The following EPB41L4B variants were observed in gnomAD, a reference collection of about 807,000 sequenced individuals.
The protein encoded by EPB41L4B is band 4.1-like protein 4B.
EPB41L4B carries 30 observed loss-of-function variants against 112.5 expected under a neutral mutation model. That is an observed-to-expected ratio of 0.27 (90% CI 0.20 to 0.36). EPB41L4B has a LOEUF of 0.36. Among genes scored for constraint, EPB41L4B ranks in the 10% least tolerant of loss-of-function variants. EPB41L4B has a pLI of 1.00. For missense variants in EPB41L4B, 1,024 were observed against 1,133.3 expected (o/e 0.90, Z 1.38); for synonymous variants, 408 against 439.7 (o/e 0.93, Z 0.90).
At chr9:109,211,718 CT>C (rs200175519) in intron 17 of EPB41L4B, among the ~76,000 whole-genome samples, 99,291 of 116,312 alleles carry the variant, frequency 0.85, 42,114 homozygotes, top group African/African-American at 0.93. Flanking sequence ...TATTTCTTTT[CT>C]TTTTTTTTTT....
intron 20 of EPB41L4B, chr9:109,196,131 A>G (rs1248038398): frequency 2.0e-5 from 3 of 151,296 alleles, no homozygotes; most frequent in Non-Finnish European, 4.4e-5. Flanking sequence ...TGTCTTGCCT[A>G]TTTACTTTTT....
chr9:109,264,964 A>C lies in EPB41L4B; in HGVS notation c.578+16T>G. 1 of 1,600,482 alleles carries C rather than the reference A, an allele frequency of 6.2e-7. No homozygotes were observed. Among genetic ancestry groups the C allele is most frequent in the African/African-American group, 1.3e-5 (1 of 74,472 alleles). On this transcript the variant is annotated intron_variant, in intron 5 of 25. Transcript: ENST00000374566. ...GATCTATCCTGGGTTAAGAGTTAGA[A>C]CAAAAACATACTTACTTTCCAGAAA...
chr9:109,245,899 C>T (rs537927367), intron 14 of EPB41L4B, among the ~76,000 whole-genome samples: 2 of 152,298 alleles, frequency 1.3e-5, no homozygotes, highest in African/African-American at 4.8e-5. Flanking sequence ...TTTCAACAAT[C>T]GCCTCATGTT....
chr9:109,301,346 AT>A, intron 1 of EPB41L4B, among the ~76,000 whole-genome samples: 1 of 152,190 alleles, frequency 6.6e-6, no homozygotes, highest in East Asian at 1.9e-4. Flanking sequence ...CCCACCATTA[AT>A]TTTTTTATAC....
rs77165511 is a variant in EPB41L4B at position 109,182,924 on chromosome 9, C to T, written c.2419-127G>A. On this transcript the variant is annotated intron_variant, in intron 23 of 25. Transcript: ENST00000374566. ...GTGCCCCCGCAGAGCCTTCATCACT[C>T]GTGTAAGGGCACATACAAAGGGTCC... is the stretch of plus-strand genomic sequence containing the variant. The T allele has an allele frequency of 5.5e-3, 3,733 of 674,778 alleles. 97 individuals carry two copies. In the African/African-American group the frequency reaches 0.061, roughly 11 times the overall value. 41.8% of individuals were successfully genotyped at this position (674,778 alleles called of 1,614,324 possible).
At chr9:109,253,895 T>C (rs1408381455) in intron 11 of EPB41L4B, among the ~76,000 whole-genome samples, 2 of 152,224 alleles carry the variant, frequency 1.3e-5, no homozygotes, top group Admixed American at 6.5e-5. Flanking sequence ...GCATAGACAT[T>C]TAACCCATCT....
intron 16 of EPB41L4B, among the ~76,000 whole-genome samples, chr9:109,215,516 C>T (rs1277262087): frequency 2.0e-5 from 3 of 152,012 alleles, no homozygotes; most frequent in South Asian, 2.1e-4. Context: ...TTGACCTAGG[C>T]GATCCACCCA....
rs187333822 is a variant in EPB41L4B, at chr9:109,174,381, A to G, written c.*173T>C. The G allele has an allele frequency of 2.1e-5, 13 of 629,634 alleles. No homozygotes were observed. Among genetic ancestry groups the G allele is most frequent in the Admixed American group, 1.0e-4 (4 of 39,242 alleles). 39.0% of individuals were successfully genotyped at this position (629,634 alleles called of 1,614,324 possible). A position where few individuals can be genotyped will look rare whatever the true frequency, so the allele number is the denominator to read the frequency against. On this transcript the variant is annotated 3_prime_UTR_variant, in exon 26 of 26. Transcript: ENST00000374566. ...AGAAAAACTCTAATGCTTAGGAGAC[A>G]TAAAATAACTTTTCCCATAAAAGTC...
chr9:109,192,925 C>T (rs1832510751), intron 21 of EPB41L4B, among the ~76,000 whole-genome samples: 1 of 152,160 alleles, frequency 6.6e-6, no homozygotes, highest in Admixed American at 6.5e-5. Context: ...AGAGAGATGG[C>T]CAGGAGAGGG....
At chr9:109,243,756 C>A in intron 14 of EPB41L4B, 74 bp from the exon 15 acceptor site, 1 of 1,473,418 alleles carries the variant, frequency 6.8e-7, no homozygotes, top group Non-Finnish European at 9.5e-7. Context: ...TTTGTCTGTT[C>A]CTGGCATCCA....
At position 109,287,858 on chromosome 9, in the gene EPB41L4B, T is replaced by C. The variant is rs576740946; in HGVS notation, c.307-7937A>G. Among the ~76,000 whole-genome samples the C allele has an allele frequency of 1.6e-4, 25 of 152,254 alleles. No homozygotes were observed. The East Asian group carries it at 1.9e-3, about 12-fold the overall frequency. ...CTTAAGTGATCCTTCTACCTCAGCC[T>C]CCCAAAGTGCTGGGATTACAGGTGT... is the stretch of plus-strand genomic sequence containing the variant. On this transcript the variant is annotated intron_variant, in intron 1 of 25. Coordinates refer to ENST00000374566, the MANE Select transcript of EPB41L4B (RefSeq NM_019114.5).
At chr9:109,224,110 A>T (rs941422017) in intron 15 of EPB41L4B, among the ~76,000 whole-genome samples, 4 of 152,256 alleles carry the variant, frequency 2.6e-5, no homozygotes, top group Non-Finnish European at 4.4e-5. Flanking sequence ...AAAATAGTGC[A>T]GCCAGTTTGA....
At chr9:109,317,762 C>G (rs959749621) in intron 1 of EPB41L4B, among the ~76,000 whole-genome samples, 2 of 152,110 alleles carry the variant, frequency 1.3e-5, no homozygotes, top group Non-Finnish European at 2.9e-5. Flanking sequence ...TCCTATCTTG[C>G]GACAAGCAGC....
chr9:109,294,306 C>CAA (rs754733623), intron 1 of EPB41L4B, among the ~76,000 whole-genome samples: 17 of 56,152 alleles, frequency 3.0e-4, no homozygotes, highest in Admixed American at 5.9e-4. Flanking sequence ...GACTCCGTCT[C>CAA]AAAAAAAAAA....
intron 2 of EPB41L4B, among the ~76,000 whole-genome samples, chr9:109,268,801 G>A (rs1835501416): frequency 6.6e-6 from 1 of 151,096 alleles, no homozygotes; most frequent in African/African-American, 2.4e-5. Context: ...GGAGGCTGAG[G>A]CAGGAGAATG....
intron 2 of EPB41L4B, among the ~76,000 whole-genome samples, chr9:109,274,629 C>T (rs1835745716): frequency 6.6e-6 from 1 of 152,228 alleles, no homozygotes; most frequent in African/African-American, 2.4e-5. Flanking sequence ...ATGGGATTGA[C>T]TGAACCTTCC....
intron 17 of EPB41L4B, among the ~76,000 whole-genome samples, chr9:109,209,737 A>G (rs774327783): frequency 6.6e-6 from 1 of 152,244 alleles, no homozygotes; most frequent in East Asian, 1.9e-4. Context: ...GCCACTGACT[A>G]TGCATTTCAT....
chr9:109,254,026 A>T (rs1834891434), intron 11 of EPB41L4B, among the ~76,000 whole-genome samples: 1 of 152,228 alleles, frequency 6.6e-6, no homozygotes, highest in African/African-American at 2.4e-5. Flanking sequence ...ACCCGGCTGC[A>T]GATTCCAGGA....
chr9:109,267,178 A>G (rs868048435), intron 4 of EPB41L4B, among the ~76,000 whole-genome samples: 70 of 152,056 alleles, frequency 4.6e-4, no homozygotes, highest in African/African-American at 1.7e-3. Flanking sequence ...CCCTTTTTGT[A>G]GTTGAGATAA....
Sources: allele counts gnomAD v4.1 joint callset (sites outside exome capture counted in the v4.1 genomes callset), GRCh38; gene constraint gnomAD v4.1.1; transcripts MANE v1.5; gene names NCBI Gene and HGNC (gene_info 2026-07-23, HGNC 2026-07-21).